KCNH1: variants seen among roughly 807,000 people sequenced by gnomAD.
KCNH1 encodes voltage-gated delayed rectifier potassium channel KCNH1.
In KCNH1, 27 loss-of-function variants were observed where a neutral mutation model predicts 69.2. The ratio of observed to expected loss-of-function variants is 0.39; its 90% confidence interval spans 0.29 to 0.54. KCNH1 has a LOEUF of 0.54. Among genes scored for constraint, KCNH1 ranks in the 20% least tolerant of loss-of-function variants. The pLI is 0.68. For synonymous variants in KCNH1, 456 were observed against 487.7 expected (o/e 0.93, Z 0.86); for missense variants, 798 against 1,261.6 (o/e 0.63, Z 5.57).
chr1:210,695,249 C>T (rs1240191724), intron 10 of KCNH1, among the ~76,000 whole-genome samples: 1 of 152,240 alleles, frequency 6.6e-6, no homozygotes, highest in Non-Finnish European at 1.5e-5. Flanking sequence ...CCAGCTTAGT[C>T]ATGACAGCAG....
At chr1:211,051,344 G>A (rs12117019) in intron 5 of KCNH1, among the ~76,000 whole-genome samples, 9 of 151,996 alleles carry the variant, frequency 5.9e-5, no homozygotes, top group Non-Finnish European at 8.8e-5. Context: ...TAATGGAGGC[G>A]GCAAACCTGA....
At chr1:210,797,211 A>G (rs1408310239) in intron 9 of KCNH1, among the ~76,000 whole-genome samples, 1 of 152,186 alleles carries the variant, frequency 6.6e-6, no homozygotes, top group African/African-American at 2.4e-5. Flanking sequence ...ATACTGGGTT[A>G]GATGTGCCTC....
Position 210,731,846 on chromosome 1 carries a change from T to G in KCNH1, c.2112+43502A>C, listed in dbSNP as rs557845744. Among the ~76,000 whole-genome samples, 6 of 152,244 alleles carry G rather than the reference T, an allele frequency of 3.9e-5. No individual in the cohort carries two copies. The South Asian group carries it at 1.2e-3, about 32-fold the overall frequency. On this transcript the variant is annotated intron_variant, in intron 10 of 10. Coordinates refer to ENST00000271751, the MANE Select transcript of KCNH1 (RefSeq NM_172362.3). The stretch of plus-strand genomic sequence containing the variant: ...ACATATGAAGTTTGCCCTGCCTAAT[T>G]CCTTCTCCCAGCTTGGCAGGGTGCT...
chr1:210,789,632 C>T (rs532620002), intron 9 of KCNH1, among the ~76,000 whole-genome samples: 1 of 152,064 alleles, frequency 6.6e-6, no homozygotes, highest in African/African-American at 2.4e-5. Flanking sequence ...CATTTTTTTC[C>T]ACATTTGGAA....
intron 7 of KCNH1, among the ~76,000 whole-genome samples, chr1:210,850,319 G>A (rs1319740094): frequency 1.3e-5 from 2 of 152,064 alleles, no homozygotes; most frequent in East Asian, 3.9e-4. Context: ...CCAACATGGT[G>A]AAACCCAGTC....
chr1:211,055,591 G>A (rs1396746666), intron 5 of KCNH1, among the ~76,000 whole-genome samples: 1 of 152,180 alleles, frequency 6.6e-6, no homozygotes, highest in Non-Finnish European at 1.5e-5. Flanking sequence ...GGATGGCCAA[G>A]GAAGTGCTTG....
At chr1:210,777,815 G>A (rs1012734463) in intron 9 of KCNH1, among the ~76,000 whole-genome samples, 1 of 152,162 alleles carries the variant, frequency 6.6e-6, no homozygotes, top group Non-Finnish European at 1.5e-5. Context: ...CACATCAAGA[G>A]GTGAAGTCTA....
intron 10 of KCNH1, among the ~76,000 whole-genome samples, chr1:210,751,016 G>A (rs1250905865): frequency 2.6e-5 from 4 of 152,208 alleles, no homozygotes; most frequent in Admixed American, 6.5e-5. Context: ...TCACTTAAGA[G>A]CCTCCAGAGG....
At chr1:210,924,314 G>T (rs1257836747) in intron 6 of KCNH1, among the ~76,000 whole-genome samples, 1 of 152,104 alleles carries the variant, frequency 6.6e-6, no homozygotes, top group Non-Finnish European at 1.5e-5. Flanking sequence ...TTGCAGAAAG[G>T]GTCTTGAATA....
intron 6 of KCNH1, among the ~76,000 whole-genome samples, chr1:210,939,509 G>T (rs1687841204): frequency 6.6e-6 from 1 of 152,178 alleles, no homozygotes; most frequent in South Asian, 2.1e-4. Context: ...CCTGAGGCAG[G>T]ATTGGCATTT....
At chr1:210,701,111 G>A (rs1163039715) in intron 10 of KCNH1, among the ~76,000 whole-genome samples, 7 of 151,892 alleles carry the variant, frequency 4.6e-5, no homozygotes, top group Non-Finnish European at 1.5e-5. Flanking sequence ...CTAATTTTTT[G>A]TGTTTTTAGT....
chr1:210,759,334 A>G (rs1558457884), intron 10 of KCNH1, among the ~76,000 whole-genome samples: 1 of 152,174 alleles, frequency 6.6e-6, no homozygotes, highest in Non-Finnish European at 1.5e-5. Flanking sequence ...AATGTCTGGA[A>G]TGACAAACAT....
intron 4 of KCNH1, among the ~76,000 whole-genome samples, chr1:211,084,826 A>G (rs995995049): frequency 1.3e-5 from 2 of 152,208 alleles, no homozygotes; most frequent in Non-Finnish European, 2.9e-5. Flanking sequence ...TCATTCATTC[A>G]TGTGTTAATT....
At chr1:210,717,982 C>T (rs1043820811) in intron 10 of KCNH1, among the ~76,000 whole-genome samples, 23 of 151,848 alleles carry the variant, frequency 1.5e-4, no homozygotes, top group Non-Finnish European at 3.4e-4. Context: ...TGGTGTGCAC[C>T]TTTAATGCCA....
At chr1:211,046,550 T>C (rs1690097746) in intron 5 of KCNH1, among the ~76,000 whole-genome samples, 1 of 152,206 alleles carries the variant, frequency 6.6e-6, no homozygotes, top group Non-Finnish European at 1.5e-5. Flanking sequence ...CCTACTATTA[T>C]CATTCCTATT....
At chr1:210,849,365 CTT>C (rs150451228) in intron 7 of KCNH1, among the ~76,000 whole-genome samples, 26 of 128,002 alleles carry the variant, frequency 2.0e-4, no homozygotes, top group African/African-American at 2.4e-4. Context: ...TTCTTTCTTT[CTT>C]TTTTTTTTTT....
chr1:211,131,724 T>C (rs567077973), intron 1 of KCNH1, among the ~76,000 whole-genome samples: 7 of 152,206 alleles, frequency 4.6e-5, no homozygotes, highest in Admixed American at 1.3e-4. Context: ...GGAAATATTA[T>C]AAAAGGGATC....
chr1:210,841,620 G>A (rs1459403996), intron 7 of KCNH1, among the ~76,000 whole-genome samples: 1 of 152,126 alleles, frequency 6.6e-6, no homozygotes, highest in Non-Finnish European at 1.5e-5. Context: ...AAAAGTAACA[G>A]GCCCATGCAG....
chr1:210,870,229 G>T (rs1471699003), intron 7 of KCNH1, among the ~76,000 whole-genome samples: 2 of 152,004 alleles, frequency 1.3e-5, no homozygotes, highest in East Asian at 3.9e-4. Flanking sequence ...TCACTCTCTT[G>T]TGTCTGGAAG....
Sources: gnomAD v4.1 joint callset for allele counts (sites outside exome capture counted in the v4.1 genomes callset) on GRCh38, gnomAD v4.1.1 for gene constraint, MANE v1.5 for transcripts, NCBI Gene and HGNC (gene_info 2026-07-23, HGNC 2026-07-21) for gene names.